The following AKAP19 variants were observed in gnomAD, a reference collection of about 807,000 sequenced individuals.
AKAP19 encodes A-kinase anchoring protein 19.
chr2:190,054,817 G>T, the AKAP19 span, among the ~76,000 whole-genome samples: 1 of 152,280 alleles, frequency 6.6e-6, no homozygotes, highest in Non-Finnish European at 1.5e-5. Context: ...TCATTAAAAA[G>T]TCAGGAAACA....
chr2:189,926,550 T>G, the AKAP19 span, among the ~76,000 whole-genome samples: 1 of 148,046 alleles, frequency 6.8e-6, no homozygotes, highest in Non-Finnish European at 1.5e-5. Context: ...CCTCCCAAAG[T>G]GCTGGGACTA....
At chr2:190,195,293 C>T in the AKAP19 span, among the ~76,000 whole-genome samples, 6 of 152,188 alleles carry the variant, frequency 3.9e-5, no homozygotes, top group Non-Finnish European at 8.8e-5. Flanking sequence ...CATCCATATG[C>T]AGATTTTTGC....
the AKAP19 span, among the ~76,000 whole-genome samples, chr2:189,975,292 A>C: frequency 2.0e-5 from 3 of 152,182 alleles, no homozygotes; most frequent in African/African-American, 7.2e-5. Flanking sequence ...TTTCTTTAAG[A>C]ATGTTGAATA....
At chr2:190,092,014 T>C in the AKAP19 span, among the ~76,000 whole-genome samples, 3 of 152,200 alleles carry the variant, frequency 2.0e-5, no homozygotes, top group African/African-American at 7.2e-5. Context: ...CATTTTTAAA[T>C]GACTTATCAT....
the AKAP19 span, among the ~76,000 whole-genome samples, chr2:189,932,768 G>T: frequency 6.6e-6 from 1 of 150,944 alleles, no homozygotes; most frequent in South Asian, 2.1e-4. Flanking sequence ...CATTATCCTA[G>T]ATTTGACCAG....
chr2:190,067,470 C>T, the AKAP19 span, among the ~76,000 whole-genome samples: 1 of 151,020 alleles, frequency 6.6e-6, no homozygotes, highest in Admixed American at 6.6e-5. Flanking sequence ...TTTAATGAGA[C>T]ATCAAACATG....
At chr2:190,067,582 G>C in the AKAP19 span, among the ~76,000 whole-genome samples, 1 of 152,140 alleles carries the variant, frequency 6.6e-6, no homozygotes, top group African/African-American at 2.4e-5. Context: ...AGGCAATCTA[G>C]AGGTCATTTG....
chr2:189,886,695 AG>A, the AKAP19 span, among the ~76,000 whole-genome samples: 43 of 152,310 alleles, frequency 2.8e-4, no homozygotes, highest in African/African-American at 9.9e-4. Context: ...AGGGCTGGGA[AG>A]GTTTTCTTTT....
At chr2:189,967,319 A>G in the AKAP19 span, among the ~76,000 whole-genome samples, 1 of 152,196 alleles carries the variant, frequency 6.6e-6, no homozygotes, top group Admixed American at 6.5e-5. Flanking sequence ...GAACTATTGT[A>G]TTTTTAGCTT....
chr2:190,187,696 T>C, the AKAP19 span, among the ~76,000 whole-genome samples: 2 of 151,870 alleles, frequency 1.3e-5, no homozygotes, highest in Non-Finnish European at 1.5e-5. Flanking sequence ...CTACAAACAA[T>C]ATAAAAAATA....
chr2:189,915,567 G>T, the AKAP19 span, among the ~76,000 whole-genome samples: 1 of 151,832 alleles, frequency 6.6e-6, no homozygotes, highest in African/African-American at 2.4e-5. Context: ...TTTCTCAAAA[G>T]AAAAAAATTT....
At chr2:189,979,802 C>A in the AKAP19 span, among the ~76,000 whole-genome samples, 3 of 152,062 alleles carry the variant, frequency 2.0e-5, no homozygotes, top group Middle Eastern at 3.4e-3. Context: ...TAAAAGCAGC[C>A]AATAAACATG....
the AKAP19 span, among the ~76,000 whole-genome samples, chr2:189,882,738 T>C: frequency 6.6e-6 from 1 of 152,098 alleles, no homozygotes; most frequent in Non-Finnish European, 1.5e-5. Context: ...TCAACAGAAC[T>C]GTTTTAGGGT....
chr2:190,036,608 T>C, the AKAP19 span, among the ~76,000 whole-genome samples: 3 of 147,208 alleles, frequency 2.0e-5, no homozygotes, highest in African/African-American at 7.4e-5. Context: ...ATTTTTTTTT[T>C]CATTAGAATT....
At chr2:189,931,918 G>A in the AKAP19 span, among the ~76,000 whole-genome samples, 7 of 152,088 alleles carry the variant, frequency 4.6e-5, no homozygotes, top group East Asian at 1.9e-4. Flanking sequence ...GCCCCAGCCC[G>A]ATACAATATT....
the AKAP19 span, among the ~76,000 whole-genome samples, chr2:190,146,844 ATTGT>A: frequency 6.6e-6 from 1 of 151,708 alleles, no homozygotes; most frequent in East Asian, 1.9e-4. Context: ...TATTGATGGG[ATTGT>A]TTATTTTTTT....
the AKAP19 span, among the ~76,000 whole-genome samples, chr2:189,980,234 A>T: frequency 1.3e-5 from 2 of 152,356 alleles, no homozygotes; most frequent in African/African-American, 4.8e-5. Flanking sequence ...ACAGCCATAA[A>T]AAAGAATGAA....
chr2:190,032,914 AT>A, the AKAP19 span, among the ~76,000 whole-genome samples: 641 of 152,210 alleles, frequency 4.2e-3, 7 homozygotes, highest in African/African-American at 0.015. Flanking sequence ...AATATTACTG[AT>A]TTTTTTCAAT....
the AKAP19 span, among the ~76,000 whole-genome samples, chr2:190,081,559 A>C: frequency 6.6e-6 from 1 of 152,328 alleles, no homozygotes; most frequent in East Asian, 1.9e-4. Context: ...CATATTTTGC[A>C]TGACTCCTGT....
Sources: gnomAD v4.1 joint callset for allele counts (sites outside exome capture counted in the v4.1 genomes callset) on GRCh38, gnomAD v4.1.1 for gene constraint, MANE v1.5 for transcripts, NCBI Gene and HGNC (gene_info 2026-07-23, HGNC 2026-07-21) for gene names.